The following FBXL7 variants were observed in gnomAD, a reference collection of about 807,000 sequenced individuals.
The protein encoded by FBXL7 is F-box/LRR-repeat protein 7.
FBXL7 carries 12 observed loss-of-function variants against 38.3 expected under a neutral mutation model. The observed-to-expected ratio is 0.31, with a 90% CI of 0.20 to 0.51. The LOEUF is 0.51. Ranked by LOEUF, FBXL7 falls within the 20% of genes least tolerant of loss-of-function variation. The pLI is 0.98. For synonymous variants in FBXL7, 297 were observed against 300.9 expected (o/e 0.99, Z 0.13); for missense variants, 567 against 676.4 (o/e 0.84, Z 1.79).
chr5:15,921,191 G>T (rs1741731190), intron 2 of FBXL7, among the ~76,000 whole-genome samples: 1 of 152,008 alleles, frequency 6.6e-6, no homozygotes, highest in African/African-American at 2.4e-5. Context: ...AGACCAGCCT[G>T]GCCAAATGCT....
At chr5:15,798,784 G>C (rs1348020049) in intron 2 of FBXL7, among the ~76,000 whole-genome samples, 1 of 152,176 alleles carries the variant, frequency 6.6e-6, no homozygotes, top group East Asian at 1.9e-4. Flanking sequence ...AACCTTGAAG[G>C]TCCAGCAGAT....
intron 2 of FBXL7, among the ~76,000 whole-genome samples, chr5:15,921,464 T>C (rs978156377): frequency 5.3e-5 from 8 of 152,128 alleles, no homozygotes; most frequent in African/African-American, 1.9e-4. Flanking sequence ...TCTGTCCATG[T>C]CTCCATTCAT....
intron 2 of FBXL7, among the ~76,000 whole-genome samples, chr5:15,724,755 T>G (rs1744296290): frequency 1.3e-5 from 2 of 152,214 alleles, no homozygotes; most frequent in Non-Finnish European, 2.9e-5. Flanking sequence ...TTACCGTAAC[T>G]TTAGCTTATC....
chr5:15,758,437 G>C (rs1233615598), intron 2 of FBXL7, among the ~76,000 whole-genome samples: 1 of 151,794 alleles, frequency 6.6e-6, no homozygotes, highest in Non-Finnish European at 1.5e-5. Context: ...ATAATACCAG[G>C]TAGGAACATT....
intron 2 of FBXL7, among the ~76,000 whole-genome samples, chr5:15,877,046 A>G (rs2126311536): frequency 6.6e-6 from 1 of 152,300 alleles, no homozygotes; most frequent in South Asian, 2.1e-4. Flanking sequence ...GTTTATTCCA[A>G]ATTCAGAAAG....
intron 2 of FBXL7, among the ~76,000 whole-genome samples, chr5:15,757,187 T>A (rs1460265047): frequency 6.6e-6 from 1 of 152,138 alleles, no homozygotes; most frequent in Non-Finnish European, 1.5e-5. Flanking sequence ...TATTTCACAA[T>A]CCTTTCATAG....
At chr5:15,552,131 GCTATA>G (rs1266896872) in intron 1 of FBXL7, among the ~76,000 whole-genome samples, 1 of 152,086 alleles carries the variant, frequency 6.6e-6, no homozygotes, top group African/African-American at 2.4e-5. Context: ...ATTTTTTCAG[GCTATA>G]CTACACTATG....
At chr5:15,835,744 A>T (rs751592485) in intron 2 of FBXL7, among the ~76,000 whole-genome samples, 2 of 152,166 alleles carry the variant, frequency 1.3e-5, no homozygotes, top group Non-Finnish European at 2.9e-5. Flanking sequence ...ACTGCAATGG[A>T]ATCCCAAGCA....
At chr5:15,512,657 G>C (rs561788894) in intron 1 of FBXL7, among the ~76,000 whole-genome samples, 4 of 152,260 alleles carry the variant, frequency 2.6e-5, no homozygotes, top group South Asian at 2.1e-4. Context: ...GATGAAAATA[G>C]TTTTGCTTGT....
chr5:15,884,443 T>G (rs1390744779), intron 2 of FBXL7, among the ~76,000 whole-genome samples: 4 of 152,012 alleles, frequency 2.6e-5, no homozygotes, highest in Non-Finnish European at 4.4e-5. Flanking sequence ...ATTTTTTGTA[T>G]TTTTAGTAGA....
chr5:15,606,487 G>T lies in FBXL7; in HGVS notation c.38-9496G>T, dbSNP rs572791763. ...TGCATCCTGGATCACTCCAGTTATAGACATGGGTATCTTGCTCAGTGGCCC... is the reference window on the plus strand; with the variant it reads ...TGCATCCTGGATCACTCCAGTTATATACATGGGTATCTTGCTCAGTGGCCC... On this transcript the variant is annotated intron_variant, in intron 1 of 3. Coordinates refer to ENST00000504595, the MANE Select transcript of FBXL7 (RefSeq NM_012304.5). Among the ~76,000 whole-genome samples, 3 of 152,356 alleles carry T rather than the reference G, an allele frequency of 2.0e-5. No individual in the cohort carries two copies. In the South Asian group the frequency reaches 6.2e-4, roughly 32 times the overall value.
At chr5:15,724,689 T>C (rs1446983984) in intron 2 of FBXL7, among the ~76,000 whole-genome samples, 1 of 152,236 alleles carries the variant, frequency 6.6e-6, no homozygotes, top group Non-Finnish European at 1.5e-5. Context: ...TATAACATTT[T>C]AAAGTATGCT....
intron 2 of FBXL7, among the ~76,000 whole-genome samples, chr5:15,766,566 G>A (rs763515910): frequency 2.1e-4 from 32 of 152,188 alleles, no homozygotes; most frequent in Non-Finnish European, 4.3e-4. Flanking sequence ...TTAAAAGGCT[G>A]CTTTGGAGAT....
intron 2 of FBXL7, among the ~76,000 whole-genome samples, chr5:15,755,392 C>CTCTG (rs1218417066): frequency 6.6e-6 from 1 of 151,970 alleles, no homozygotes; most frequent in East Asian, 1.9e-4. Context: ...GCTAGCTTTG[C>CTCTG]TCTGTGTGTG....
chr5:15,512,645 T>C (rs938402922), intron 1 of FBXL7, among the ~76,000 whole-genome samples: 2 of 152,212 alleles, frequency 1.3e-5, no homozygotes, highest in African/African-American at 4.8e-5. Flanking sequence ...CACCCTCTTA[T>C]AGATGAAAAT....
intron 2 of FBXL7, among the ~76,000 whole-genome samples, chr5:15,751,492 C>G (rs2126686043): frequency 6.6e-6 from 1 of 152,250 alleles, no homozygotes; most frequent in African/African-American, 2.4e-5. Context: ...TCAGAAAACC[C>G]TTGGCTATGT....
intron 2 of FBXL7, among the ~76,000 whole-genome samples, chr5:15,797,917 G>T (rs1258731051): frequency 6.6e-6 from 1 of 152,114 alleles, no homozygotes; most frequent in Non-Finnish European, 1.5e-5. Context: ...TTTTAGATTT[G>T]CCCAGACCTT....
intron 2 of FBXL7, among the ~76,000 whole-genome samples, chr5:15,715,036 C>G (rs764543163): frequency 1.3e-5 from 2 of 152,082 alleles, no homozygotes; most frequent in Admixed American, 6.5e-5. Flanking sequence ...CTAGAAGGAA[C>G]GCAGTCCTGC....
chr5:15,840,675 C>T (rs890996717), intron 2 of FBXL7, among the ~76,000 whole-genome samples: 11 of 151,818 alleles, frequency 7.2e-5, no homozygotes, highest in South Asian at 2.1e-4. Flanking sequence ...GGTGAAACCC[C>T]GTCTCTACTA....
Sources: gnomAD v4.1 joint callset for allele counts (sites outside exome capture counted in the v4.1 genomes callset) on GRCh38, gnomAD v4.1.1 for gene constraint, MANE v1.5 for transcripts, NCBI Gene and HGNC (gene_info 2026-07-23, HGNC 2026-07-21) for gene names.